The following SFMBT1 variants were observed in gnomAD, a reference collection of about 807,000 sequenced individuals.
SFMBT1 encodes the protein scm-like with four MBT domains protein 1.
In SFMBT1, 32 loss-of-function variants were observed where a neutral mutation model predicts 108.7. That is an observed-to-expected ratio of 0.29 (90% CI 0.22 to 0.40). The LOEUF (loss-of-function observed/expected upper bound fraction) is 0.40. SFMBT1 is among the 10% of genes least tolerant of loss of function. The pLI, the probability that SFMBT1 is intolerant of heterozygous loss-of-function variation, is 1.00. For synonymous variants in SFMBT1, 348 were observed against 369.5 expected (o/e 0.94, Z 0.67); for missense variants, 816 against 1,059.6 (o/e 0.77, Z 3.19).
chr3:53,039,775 C>T (rs1699976436), intron 1 of SFMBT1, among the ~76,000 whole-genome samples: 2 of 152,310 alleles, frequency 1.3e-5, no homozygotes, highest in Admixed American at 6.5e-5. Context: ...GCTGGGACTA[C>T]AGGTGTCCGC....
chr3:52,966,043 C>G (rs563778559), intron 2 of SFMBT1, among the ~76,000 whole-genome samples: 1 of 131,778 alleles, frequency 7.6e-6, no homozygotes, highest in African/African-American at 2.9e-5. Flanking sequence ...CTAAAGCCGG[C>G]GCGGTGGCTC....
rs1702004009 is a variant in SFMBT1 at position 52,903,796 on chromosome 3, T to C, written c.*1340A>G. 1 of 152,232 alleles carries C rather than the reference T, an allele frequency of 6.6e-6. No homozygotes were observed. The highest frequency in any genetic ancestry group is 2.1e-4 in the South Asian group (1 of 4,830). The allele number at this position is 152,232 out of a possible 1,614,324, so 9.4% of individuals were successfully genotyped here. On this transcript the variant is annotated 3_prime_UTR_variant, in exon 21 of 21. Coordinates refer to ENST00000394752, the MANE Select transcript of SFMBT1 (RefSeq NM_016329.4). The stretch of plus-strand genomic sequence containing the variant: ...TGCAGCAAACGCTATTATTCTATAA[T>C]AGCTAGCAATGGAATAGTAAGTGAA...
At position 52,921,781 on chromosome 3, in the gene SFMBT1, G is replaced by A. The variant is rs1702527112; in HGVS notation, c.1182C>T (p.Asn394=). 6.2e-7 allele frequency: 1 copy of A among 1,614,040 alleles called. No homozygotes were observed. The part of the protein sequence containing the change: ...FKENMKLEAV[N]PILPEEVCVA... ...CACACACTTCTTCAGGGAGAATGGG[G>A]TTCACCGCCTCGAGCTTCATGTTCT... Residue 394 remains asparagine (N), a synonymous_variant, in exon 11 of 21, where the codon AAC becomes AAT. Transcript: ENST00000394752.
chr3:52,945,980 G>GTTACATTA (rs1401858286), intron 3 of SFMBT1, among the ~76,000 whole-genome samples: 1 of 152,056 alleles, frequency 6.6e-6, no homozygotes, highest in Non-Finnish European at 1.5e-5. Flanking sequence ...AAAAAATCTG[G>GTTACATTA]CAGATGCCAC....
Position 52,930,350 on chromosome 3 carries a change from G to C in SFMBT1, c.876C>G (p.Ile292Met). 6.2e-7 allele frequency: 1 copy of C among 1,606,092 alleles called. No individual in the cohort carries two copies. Among genetic ancestry groups the C allele is most frequent in the Non-Finnish European group, 8.5e-7 (1 of 1,172,638 alleles). The change falls in exon 8 of 21, where the codon ATC (isoleucine) becomes ATG (methionine). Residue 292 changes from isoleucine to methionine, a missense_variant. Transcript: ENST00000394752. ...EAVDPWSPFG[I>M]SPATVVKVFD... is the part of the protein sequence containing the mutation. Reference sequence around the variant, plus strand: ...TTACCTTAACAACTGTAGCAGGAGAGATCCCAAAAGGAGACCAGGGGTCTA... The same window carrying C: ...TTACCTTAACAACTGTAGCAGGAGACATCCCAAAAGGAGACCAGGGGTCTA...
At chr3:52,986,091 T>C (rs553383323) in intron 1 of SFMBT1, among the ~76,000 whole-genome samples, 41 of 146,158 alleles carry the variant, frequency 2.8e-4, no homozygotes, top group African/African-American at 1.0e-3. Context: ...TGCAGTGAGC[T>C]GAGATCATGC....
rs1702027390 is a variant in SFMBT1 at position 52,904,935 on chromosome 3, A to G, written c.*201T>C. 1 of 528,764 alleles carries G rather than the reference A, an allele frequency of 1.9e-6. No homozygotes were observed. The highest frequency in any genetic ancestry group is 3.2e-6 in the Non-Finnish European group (1 of 314,972). The allele number at this position is 528,764 out of a possible 1,614,324, so 32.8% of individuals were successfully genotyped here. ...CATCTGCTGAACAAGAGATGTCCAC[A>G]TTTCCACCAGCAGGTGATCCACTTC... On this transcript the variant is annotated 3_prime_UTR_variant, in exon 21 of 21. Coordinates refer to ENST00000394752, the MANE Select transcript of SFMBT1 (RefSeq NM_016329.4).
chr3:52,996,719 T>C lies in SFMBT1; in HGVS notation c.-130-27461A>G, dbSNP rs777732373. ...GGAGAAGTGAGTCCTCATACAATGC[T>C]GGTGCAAATGTAAAAATGGTACAGC... On this transcript the variant is annotated intron_variant, in intron 1 of 20. Coordinates refer to ENST00000394752, the MANE Select transcript of SFMBT1 (RefSeq NM_016329.4). Among the ~76,000 whole-genome samples the C allele has an allele frequency of 1.1e-4, 16 of 150,326 alleles. 1 individual carries two copies. Among genetic ancestry groups the C allele is most frequent in the Non-Finnish European group, 1.9e-4 (13 of 67,140 alleles).
chr3:52,933,867 A>C (rs1341000611), intron 5 of SFMBT1, among the ~76,000 whole-genome samples: 2 of 152,190 alleles, frequency 1.3e-5, no homozygotes, highest in Admixed American at 6.5e-5. Flanking sequence ...CAAGCAACAA[A>C]AGAAAAAAAG....
At chr3:52,920,042 A>C (rs1559510695) in intron 12 of SFMBT1, among the ~76,000 whole-genome samples, 1 of 152,270 alleles carries the variant, frequency 6.6e-6, no homozygotes, top group Non-Finnish European at 1.5e-5. Flanking sequence ...GTGAGGACAC[A>C]ACGAGAAGGT....
intron 1 of SFMBT1, among the ~76,000 whole-genome samples, chr3:52,998,661 C>T (rs1349699556): frequency 6.6e-6 from 1 of 150,536 alleles, no homozygotes; most frequent in Non-Finnish European, 1.5e-5. Context: ...ACTGGTTCTG[C>T]TCGTGCCACG....
chr3:52,973,320 T>C (rs1435543141), intron 1 of SFMBT1, among the ~76,000 whole-genome samples: 1 of 152,182 alleles, frequency 6.6e-6, no homozygotes, highest in Non-Finnish European at 1.5e-5. Flanking sequence ...TTTAGTGAAC[T>C]AAATAGGTGC....
At chr3:52,926,157 A>T (rs1390173828) in intron 9 of SFMBT1, 44 bp from the exon 10 acceptor site, 10 of 1,557,238 alleles carry the variant, frequency 6.4e-6, no homozygotes, top group Non-Finnish European at 8.8e-6. Context: ...ACCACACCAC[A>T]TACGCCTGCC....
intron 13 of SFMBT1, among the ~76,000 whole-genome samples, chr3:52,916,552 C>CT (rs1702362408): frequency 6.6e-6 from 1 of 151,226 alleles, no homozygotes; most frequent in African/African-American, 2.4e-5. Flanking sequence ...ACCTGTAGTC[C>CT]CAGCTACTAA....
intron 1 of SFMBT1, among the ~76,000 whole-genome samples, chr3:52,987,914 T>C (rs1342057456): frequency 6.6e-6 from 1 of 152,210 alleles, no homozygotes; most frequent in Non-Finnish European, 1.5e-5. Context: ...AATTCTTTAA[T>C]GGAATGGAAT....
At chr3:52,928,402 T>G in intron 8 of SFMBT1, 61 bp from the exon 9 acceptor site, 1 of 1,552,742 alleles carries the variant, frequency 6.4e-7, no homozygotes, top group Non-Finnish European at 8.7e-7. Flanking sequence ...GCTTTCTCCT[T>G]GGCACAGCCA....
At chr3:52,924,808 CT>C (rs1305741556) in intron 10 of SFMBT1, among the ~76,000 whole-genome samples, 4 of 152,120 alleles carry the variant, frequency 2.6e-5, no homozygotes, top group African/African-American at 9.7e-5. Context: ...GATGTGACTG[CT>C]TTTGATAATG....
At chr3:52,953,097 G>A (rs752151592) in intron 3 of SFMBT1, among the ~76,000 whole-genome samples, 1 of 152,216 alleles carries the variant, frequency 6.6e-6, no homozygotes, top group East Asian at 1.9e-4. Context: ...AGCAGACTAT[G>A]ACAAATATGA....
intron 19 of SFMBT1, 76 bp from the exon 20 acceptor site, chr3:52,906,317 T>G: frequency 1.2e-6 from 2 of 1,603,824 alleles, no homozygotes; most frequent in Non-Finnish European, 1.7e-6. Flanking sequence ...CTACCTAAAT[T>G]CATAATCTTT....
Sources: allele counts gnomAD v4.1 joint callset (sites outside exome capture counted in the v4.1 genomes callset), GRCh38; gene constraint gnomAD v4.1.1; transcripts MANE v1.5; gene names NCBI Gene and HGNC (gene_info 2026-07-23, HGNC 2026-07-21).